Variants in SPAM1 observed in about 807,000 individuals in gnomAD.
SPAM1 encodes hyaluronidase PH-20.
A neutral mutation model predicts 29.6 loss-of-function variants in SPAM1; 22 were observed. The observed-to-expected ratio is 0.74, with a 90% CI of 0.53 to 1.06. The LOEUF is 1.06. SPAM1 is among the 50% of genes least tolerant of loss of function. The probability of loss-of-function intolerance (pLI) is 0.00; values close to 1 mark genes in which losing one functional copy is unlikely to be tolerated. For missense variants in SPAM1, 534 were observed against 604.0 expected (o/e 0.88, Z 1.21); for synonymous variants, 194 against 204.6 (o/e 0.95, Z 0.44).
Position 123,934,323 on chromosome 7 carries a change from T to C in SPAM1, c.-319+8971T>C, listed in dbSNP as rs12532574. On this transcript the variant is annotated intron_variant, in intron 1 of 4. Coordinates refer to ENST00000682466, the MANE Select transcript of SPAM1 (RefSeq NM_153189.3). The stretch of plus-strand genomic sequence containing the variant: ...CTCACTCCAGTTAGAATGGCCATTA[T>C]CAAAAAGACACAAAATAACAAATGC... Among the ~76,000 whole-genome samples the C allele has an allele frequency of 8.6e-3, 1,304 of 152,212 alleles. 26 individuals carry two copies. Among genetic ancestry groups the C allele is most frequent in the African/African-American group, 0.03 (1,233 of 41,546 alleles).
chr7:123,939,600 TTAATTAAC>T (rs1320001615), intron 1 of SPAM1, among the ~76,000 whole-genome samples: 2 of 152,220 alleles, frequency 1.3e-5, no homozygotes, highest in African/African-American at 4.8e-5. Context: ...ATTCGTTTAG[TTAATTAAC>T]TAATTAACTA....
chr7:123,939,440 C>G (rs944340064), intron 1 of SPAM1, among the ~76,000 whole-genome samples: 2 of 152,116 alleles, frequency 1.3e-5, no homozygotes, highest in African/African-American at 2.4e-5. Flanking sequence ...GTCAGCCTTA[C>G]GCTTGCCTAC....
chr7:123,970,891 GA>G (rs1382399283), intron 6 of SPAM1: 1 of 151,946 alleles, frequency 6.6e-6, no homozygotes, highest in Non-Finnish European at 1.5e-5. Context: ...ATTAAATAAA[GA>G]GGTTTTCTTC....
At chr7:123,935,974 G>C (rs1242069026) in intron 1 of SPAM1, among the ~76,000 whole-genome samples, 1 of 151,966 alleles carries the variant, frequency 6.6e-6, no homozygotes, top group East Asian at 1.9e-4. Flanking sequence ...CTCACTATAG[G>C]TTGTGACCTT....
chr7:123,960,856 T>G (rs1413461039), downstream of SPAM1, among the ~76,000 whole-genome samples: 2 of 151,888 alleles, frequency 1.3e-5, no homozygotes, highest in African/African-American at 4.8e-5. Context: ...TGTTTAAGCT[T>G]TGTTTAATAT....
intron 1 of SPAM1, among the ~76,000 whole-genome samples, chr7:123,948,661 T>C (rs1808666385): frequency 6.6e-6 from 1 of 152,146 alleles, no homozygotes; most frequent in Non-Finnish European, 1.5e-5. Flanking sequence ...TCACCAAAGT[T>C]ATAGTCTTGC....
chr7:123,967,294 G>A (rs1227406360), intron 5 of SPAM1, among the ~76,000 whole-genome samples: 2 of 152,118 alleles, frequency 1.3e-5, no homozygotes, highest in South Asian at 2.1e-4. Context: ...GATAAATCTG[G>A]TATTACAATG....
chr7:123,960,011 G>C lies in SPAM1; in HGVS notation c.*42G>C, dbSNP rs999270105. 5 of 1,537,352 alleles carry C rather than the reference G, an allele frequency of 3.3e-6. No homozygotes were observed. The African/African-American group carries it at 5.5e-5, about 17-fold the overall frequency. On this transcript the variant is annotated 3_prime_UTR_variant, in exon 5 of 5. Transcript: ENST00000682466. ...AAATGAACAATATGTCCATCTTAAA[G>C]TGTGCTTTTTCGACTAATTAAATCT...
intron 4 of SPAM1, among the ~76,000 whole-genome samples, chr7:123,956,340 A>G (rs549502330): frequency 6.6e-6 from 1 of 152,150 alleles, no homozygotes; most frequent in South Asian, 2.1e-4. Flanking sequence ...TAATAGATCT[A>G]TCATTACTTC....
At chr7:123,936,005 G>A (rs1584948763) in intron 1 of SPAM1, among the ~76,000 whole-genome samples, 1 of 152,000 alleles carries the variant, frequency 6.6e-6, no homozygotes, top group African/African-American at 2.4e-5. Context: ...AAAAATGCTA[G>A]GTATAGGCTT....
chr7:123,951,609 T>A (rs1026082827), intron 2 of SPAM1, among the ~76,000 whole-genome samples: 1 of 152,040 alleles, frequency 6.6e-6, no homozygotes, highest in African/African-American at 2.4e-5. Flanking sequence ...TTCTGCCCCA[T>A]GTTTTTCTTT....
Position 123,931,817 on chromosome 7 carries a change from A to G in SPAM1, c.-319+6465A>G, listed in dbSNP as rs1808088943. Among the ~76,000 whole-genome samples, 4 of 152,238 alleles carry G rather than the reference A, an allele frequency of 2.6e-5. No homozygotes were observed. The South Asian group carries it at 8.3e-4, about 32-fold the overall frequency. ...GACAGAAATCAAAGAACATATCCTCACTGGTTACAAGCCGAGATCTCAGAA... is the reference window on the plus strand; with the variant it reads ...GACAGAAATCAAAGAACATATCCTCGCTGGTTACAAGCCGAGATCTCAGAA... On this transcript the variant is annotated intron_variant, in intron 1 of 4. Coordinates refer to ENST00000682466, the MANE Select transcript of SPAM1 (RefSeq NM_153189.3).
downstream of SPAM1, among the ~76,000 whole-genome samples, chr7:123,960,309 A>C (rs566577980): frequency 2.9e-4 from 44 of 152,124 alleles, no homozygotes; most frequent in African/African-American, 1.0e-3. Context: ...CATTTTGATA[A>C]AATAAAACTT....
intron 1 of SPAM1, among the ~76,000 whole-genome samples, chr7:123,938,387 C>G (rs1054081370): frequency 4.6e-5 from 7 of 152,198 alleles, no homozygotes; most frequent in Admixed American, 1.3e-4. Flanking sequence ...AGGAAAAATT[C>G]AGTCTGCATC....
chr7:123,938,047 G>A (rs9986737), intron 1 of SPAM1, among the ~76,000 whole-genome samples: 43,946 of 151,428 alleles, frequency 0.29, 6,534 homozygotes, highest in Admixed American at 0.36. Flanking sequence ...ATGTTTGATT[G>A]CCTAAGACTT....
chr7:123,935,248 A>T (rs1808216399), intron 1 of SPAM1, among the ~76,000 whole-genome samples: 1 of 152,112 alleles, frequency 6.6e-6, no homozygotes, highest in Non-Finnish European at 1.5e-5. Flanking sequence ...TGCATCTTCA[A>T]TCACTCTCAA....
chr7:123,936,608 A>G (rs944069315), intron 1 of SPAM1, among the ~76,000 whole-genome samples: 1 of 152,202 alleles, frequency 6.6e-6, no homozygotes, highest in Admixed American at 6.5e-5. Flanking sequence ...AAGCTAACCT[A>G]ATGTTTAATG....
rs766925194 is a variant in SPAM1, at chr7:123,959,663, A to G, written c.1224A>G (p.Gln408=). The change falls in exon 5 of 5, where the codon CAA becomes CAG. Residue 408 remains glutamine (Q), a synonymous_variant. Coordinates refer to ENST00000682466, the MANE Select transcript of SPAM1 (RefSeq NM_153189.3). ...LHLNPDNFAI[Q]LEKGGKFTVR... ...TCAACCCAGATAATTTTGCTATTCAACTTGAGAAAGGTGGAAAGTTCACAG... is the reference window on the plus strand; with the variant it reads ...TCAACCCAGATAATTTTGCTATTCAGCTTGAGAAAGGTGGAAAGTTCACAG... 2 of 1,613,242 alleles carry G rather than the reference A, an allele frequency of 1.2e-6. No individual in the cohort carries two copies. The highest frequency in any genetic ancestry group is 1.1e-5 in the South Asian group (1 of 91,060).
intron 1 of SPAM1, among the ~76,000 whole-genome samples, chr7:123,940,735 A>G (rs1204868627): frequency 6.6e-6 from 1 of 152,016 alleles, no homozygotes; most frequent in Non-Finnish European, 1.5e-5. Context: ...GCCTCAAGTG[A>G]TCCTTCCACG....
Sources: allele counts gnomAD v4.1 joint callset (sites outside exome capture counted in the v4.1 genomes callset), GRCh38; gene constraint gnomAD v4.1.1; transcripts MANE v1.5; gene names NCBI Gene and HGNC (gene_info 2026-07-23, HGNC 2026-07-21).